The following BABAM2 variants were observed in gnomAD, a reference collection of about 807,000 sequenced individuals.
BABAM2 encodes BRISC and BRCA1 A complex member 2.
A neutral mutation model predicts 54.7 loss-of-function variants in BABAM2; 31 were observed. The ratio of observed to expected loss-of-function variants is 0.57; its 90% CI spans 0.43 to 0.77. The LOEUF (loss-of-function observed/expected upper bound fraction) is 0.77, where lower values mean the gene tolerates loss of function less well. Ranked by LOEUF, BABAM2 falls within the 30% of genes least tolerant of loss-of-function variation. The probability of loss-of-function intolerance (pLI) is 0.00; values close to 1 mark genes in which losing one functional copy is unlikely to be tolerated. For missense variants in BABAM2, 364 were observed against 455.8 expected (o/e 0.80, Z 1.83); for synonymous variants, 167 against 162.9 (o/e 1.03, Z -0.19).
chr2:28,133,669 C>G (rs926920690), intron 7 of BABAM2, among the ~76,000 whole-genome samples: 1 of 152,184 alleles, frequency 6.6e-6, no homozygotes, highest in African/African-American at 2.4e-5. Flanking sequence ...CTTGTCCATG[C>G]AGGAGGCAAA....
At chr2:27,977,481 T>G (rs540916844) in intron 3 of BABAM2, among the ~76,000 whole-genome samples, 10 of 152,220 alleles carry the variant, frequency 6.6e-5, no homozygotes, top group Non-Finnish European at 1.5e-4. Flanking sequence ...AAGAGGGATA[T>G]GTAGCTTAGC....
intron 1 of BABAM2, among the ~76,000 whole-genome samples, chr2:27,893,878 C>G (rs1380278121): frequency 6.6e-6 from 1 of 151,466 alleles, no homozygotes; most frequent in African/African-American, 2.4e-5. Context: ...CCTGTAGTCC[C>G]AGCTACTCGG....
intron 7 of BABAM2, among the ~76,000 whole-genome samples, chr2:28,223,565 G>T (rs1396802464): frequency 3.3e-5 from 5 of 152,192 alleles, no homozygotes; most frequent in African/African-American, 1.2e-4. Context: ...TGCTTATTGG[G>T]CAGCTGTGGT....
upstream of BABAM2, among the ~76,000 whole-genome samples, chr2:27,889,286 CTTT>C: frequency 6.6e-6 from 1 of 152,146 alleles, no homozygotes; most frequent in Non-Finnish European, 1.5e-5. Context: ...GTCCCAAAGC[CTTT>C]TTGTTTAGTT....
At chr2:28,051,555 CA>C (rs1432726806) in intron 6 of BABAM2, among the ~76,000 whole-genome samples, 1 of 151,970 alleles carries the variant, frequency 6.6e-6, no homozygotes, top group Non-Finnish European at 1.5e-5. Flanking sequence ...ATTTTGCACA[CA>C]ACTGTGGAGA....
intron 7 of BABAM2, among the ~76,000 whole-genome samples, chr2:28,215,678 C>T (rs1222525680): frequency 6.6e-6 from 1 of 151,938 alleles, no homozygotes; most frequent in Non-Finnish European, 1.5e-5. Flanking sequence ...TTCTCTTTCT[C>T]TCTCCTACCC....
intron 2 of BABAM2, among the ~76,000 whole-genome samples, chr2:27,922,188 A>G (rs1255345613): frequency 6.6e-6 from 1 of 152,208 alleles, no homozygotes; most frequent in Non-Finnish European, 1.5e-5. Flanking sequence ...TCTTGAACTT[A>G]GTTTATGAGT....
At chr2:28,027,608 G>A (rs189264769) in intron 5 of BABAM2, among the ~76,000 whole-genome samples, 9 of 152,266 alleles carry the variant, frequency 5.9e-5, no homozygotes, top group African/African-American at 2.2e-4. Context: ...TATGTTTGAG[G>A]TTCATCCATG....
At chr2:28,015,369 A>AT (rs1445095832) in intron 4 of BABAM2, among the ~76,000 whole-genome samples, 1 of 152,192 alleles carries the variant, frequency 6.6e-6, no homozygotes, top group Admixed American at 6.5e-5. Context: ...TCCTTCAAAA[A>AT]TTTTAACTAG....
intron 6 of BABAM2, among the ~76,000 whole-genome samples, chr2:28,062,257 CAAAAA>C (rs796458704): frequency 4.4e-5 from 3 of 68,430 alleles, no homozygotes. Flanking sequence ...GAGTCCGTCT[CAAAAA>C]AAAAAAAAAA....
At chr2:27,890,386 G>T, upstream of BABAM2, 1 of 1,575,068 alleles carries the variant, frequency 6.3e-7, no homozygotes. This position sits in a 1 kb window ranked among gnomAD's most constrained non-coding sequence, Gnocchi z 4.8. Context: ...GGTGACCTCT[G>T]CCCTTTGCCC....
chr2:28,036,606 T>C (rs1238873666), intron 5 of BABAM2, among the ~76,000 whole-genome samples: 3 of 152,028 alleles, frequency 2.0e-5, no homozygotes, highest in Non-Finnish European at 4.4e-5. Context: ...AGCTGGCAAA[T>C]AGAAAGGAAA....
At chr2:28,200,973 G>A (rs1678203875) in intron 7 of BABAM2, among the ~76,000 whole-genome samples, 1 of 152,126 alleles carries the variant, frequency 6.6e-6, no homozygotes, top group South Asian at 2.1e-4. Flanking sequence ...GTTTTGCCAT[G>A]TTGGCCAGGC....
intron 6 of BABAM2, among the ~76,000 whole-genome samples, chr2:28,063,722 A>G (rs1277587345): frequency 2.0e-5 from 3 of 152,212 alleles, no homozygotes. Flanking sequence ...TCCAGCTCCT[A>G]TAACCAGCTC....
At chr2:27,959,645 A>C (rs1199615699) in intron 3 of BABAM2, among the ~76,000 whole-genome samples, 1 of 152,118 alleles carries the variant, frequency 6.6e-6, no homozygotes, top group Non-Finnish European at 1.5e-5. Context: ...TGAAAACTGC[A>C]ATACATGTAG....
At chr2:28,183,739 TCACACACACACACACACACA>T (rs1286120518) in intron 7 of BABAM2, among the ~76,000 whole-genome samples, 1 of 133,124 alleles carries the variant, frequency 7.5e-6, no homozygotes, top group African/African-American at 2.7e-5. Context: ...TGGATGAAGA[TCACACACACACACACACACA>T]CACACACACA....
intron 5 of BABAM2, among the ~76,000 whole-genome samples, chr2:28,044,478 G>A (rs1276224976): frequency 6.6e-6 from 1 of 152,186 alleles, no homozygotes; most frequent in Admixed American, 6.5e-5. Context: ...TGATCTGCCT[G>A]CATTGGCCTC....
chr2:27,927,639 T>A (rs926609211), intron 2 of BABAM2, among the ~76,000 whole-genome samples: 6 of 152,178 alleles, frequency 3.9e-5, no homozygotes, highest in Admixed American at 3.3e-4. Context: ...TAAAATGTAC[T>A]CTGAGAAATT....
intron 11 of BABAM2, among the ~76,000 whole-genome samples, chr2:28,330,625 G>A (rs1572431742): frequency 6.6e-6 from 1 of 152,110 alleles, no homozygotes; most frequent in South Asian, 2.1e-4. Flanking sequence ...CAACTTACAA[G>A]GTATGTGAAG....
Sources: allele counts gnomAD v4.1 joint callset (sites outside exome capture counted in the v4.1 genomes callset), GRCh38; gene constraint gnomAD v4.1.1; non-coding constraint Gnocchi (gnomAD v3.1); transcripts MANE v1.5; gene names NCBI Gene and HGNC (gene_info 2026-07-23, HGNC 2026-07-21).